POU2F2: variants seen among roughly 807,000 people sequenced by gnomAD.
POU2F2 encodes POU domain, class 2, transcription factor 2.
In POU2F2, 14 loss-of-function variants were observed where a neutral mutation model predicts 63.5. The observed-to-expected ratio is 0.22, with a 90% confidence interval of 0.15 to 0.34. The LOEUF (loss-of-function observed/expected upper bound fraction) is 0.34. Among genes scored for constraint, POU2F2 ranks in the 10% least tolerant of loss-of-function variants. POU2F2 has a pLI of 1.00. For missense variants in POU2F2, 607 were observed against 815.2 expected, an observed-to-expected ratio of 0.74 and a Z score of 3.11; for synonymous variants, 306 against 348.6, an observed-to-expected ratio of 0.88 and a Z score of 1.36.
At chr19:42,113,425 C>T (rs1340460586) in intron 5 of POU2F2, among the ~76,000 whole-genome samples, 2 of 152,190 alleles carry the variant, frequency 1.3e-5, no homozygotes, top group Non-Finnish European at 2.9e-5. Flanking sequence ...TTATAATTGC[C>T]CCTTCGTCTG....
In POU2F2 at chr19:42,169,414, G is replaced by A. The variant is rs1359694790; in HGVS notation, c.-70+6549C>T. On this transcript the variant is annotated intron_variant, in intron 1 of 6. Transcript: ENST00000524801. This position sits in a 1 kb window ranked among gnomAD's most constrained non-coding sequence, Gnocchi z 4.3. Reference sequence around the variant, plus strand: ...CCTATGTGCCTGCACAGACATCTGGGTTTTCATACCTGTGTCTGAGTATGT... The same window carrying A: ...CCTATGTGCCTGCACAGACATCTGGATTTTCATACCTGTGTCTGAGTATGT... Among the ~76,000 whole-genome samples the A allele has an allele frequency of 6.6e-6, 1 of 152,202 alleles. No homozygotes were observed. Among genetic ancestry groups the A allele is most frequent in the East Asian group, 1.9e-4 (1 of 5,202 alleles).
At chr19:42,160,108 C>T (rs1205331478) in intron 2 of POU2F2, among the ~76,000 whole-genome samples, 1 of 152,136 alleles carries the variant, frequency 6.6e-6, no homozygotes, top group Admixed American at 6.5e-5. Flanking sequence ...TCAGCAGAAA[C>T]ACCCACAGTC....
chr19:42,094,743 C>T (rs2076854588), intron 11 of POU2F2, among the ~76,000 whole-genome samples: 1 of 152,194 alleles, frequency 6.6e-6, no homozygotes, highest in South Asian at 2.1e-4. Context: ...CTCCCTTGTC[C>T]TTTAGAACTC....
At chr19:42,150,334 C>T (rs1000900721) in intron 2 of POU2F2, among the ~76,000 whole-genome samples, 8 of 145,286 alleles carry the variant, frequency 5.5e-5, no homozygotes, top group East Asian at 2.1e-4. Flanking sequence ...GCGGGCACTG[C>T]GGCTGACATG....
chr19:42,151,269 G>C (rs1190713425), intron 2 of POU2F2, among the ~76,000 whole-genome samples: 1 of 150,958 alleles, frequency 6.6e-6, no homozygotes, highest in Non-Finnish European at 1.5e-5. Flanking sequence ...GGTACTCAGG[G>C]AAGCGGGGAG....
chr19:42,186,250 G>A (rs1353401393), intron 1 of POU2F2, among the ~76,000 whole-genome samples: 3 of 152,022 alleles, frequency 2.0e-5, no homozygotes, highest in Non-Finnish European at 4.4e-5. Flanking sequence ...GTGTGAACCC[G>A]GGAGGCAGAG....
chr19:42,131,346 G>A (rs918249891), intron 1 of POU2F2, among the ~76,000 whole-genome samples: 4 of 152,038 alleles, frequency 2.6e-5, no homozygotes, highest in Admixed American at 6.5e-5. Flanking sequence ...ATACATGTTG[G>A]TGGAGGACAC....
upstream of POU2F2, among the ~76,000 whole-genome samples, chr19:42,176,240 C>G (rs2034876443): frequency 6.6e-6 from 1 of 152,160 alleles, no homozygotes; most frequent in Admixed American, 6.5e-5. Flanking sequence ...GCAGATGCCA[C>G]CTCGCCTCTC....
At chr19:42,133,927 G>A (rs2033923995), upstream of POU2F2, among the ~76,000 whole-genome samples, 1 of 152,112 alleles carries the variant, frequency 6.6e-6, no homozygotes, top group African/African-American at 2.4e-5. This position sits in a 1 kb window ranked among gnomAD's most constrained non-coding sequence, Gnocchi z 5.1. Context: ...AGGCAAGCAG[G>A]TGGGCACAAC....
upstream of POU2F2, among the ~76,000 whole-genome samples, chr19:42,180,351 T>C (rs2034946931): frequency 6.6e-6 from 1 of 152,120 alleles, no homozygotes; most frequent in African/African-American, 2.4e-5. Flanking sequence ...CAAAGGCACA[T>C]GGGGTCCCAA....
intron 5 of POU2F2, among the ~76,000 whole-genome samples, chr19:42,101,668 AC>A (rs1267358771): frequency 6.6e-6 from 1 of 152,146 alleles, no homozygotes; most frequent in Admixed American, 6.5e-5. Flanking sequence ...GCCCTAGCAA[AC>A]TAATATAGGC....
intron 1 of POU2F2, among the ~76,000 whole-genome samples, chr19:42,129,544 G>A (rs1233621312): frequency 6.6e-6 from 1 of 152,144 alleles, no homozygotes; most frequent in Non-Finnish European, 1.5e-5. Flanking sequence ...TACCGAAAAC[G>A]GGGCTAAATA....
intron 2 of POU2F2, among the ~76,000 whole-genome samples, chr19:42,146,032 CAAAAAA>C (rs1004458482): frequency 1.0e-4 from 5 of 49,770 alleles, no homozygotes; most frequent in African/African-American, 2.8e-4. Context: ...GACTCCGTCT[CAAAAAA>C]AAAAAAAAAA....
upstream of POU2F2, among the ~76,000 whole-genome samples, chr19:42,179,759 T>C (rs1482230151): frequency 2.0e-5 from 3 of 152,002 alleles, no homozygotes; most frequent in African/African-American, 7.3e-5. Context: ...TAAATAAATA[T>C]AGGAAACACC....
chr19:42,097,523 A>T (rs1441741685), intron 7 of POU2F2, among the ~76,000 whole-genome samples: 3 of 151,066 alleles, frequency 2.0e-5, no homozygotes, highest in Admixed American at 6.6e-5. Flanking sequence ...TATAAATTTA[A>T]GGACAGCCGA....
At chr19:42,161,871 A>G (rs1758256682) in intron 1 of POU2F2, among the ~76,000 whole-genome samples, 1 of 152,308 alleles carries the variant, frequency 6.6e-6, no homozygotes, top group South Asian at 2.1e-4. Context: ...AGCGGCTGTC[A>G]TCTCCACAGT....
intron 1 of POU2F2, among the ~76,000 whole-genome samples, chr19:42,130,774 C>G (rs550562820): frequency 1.3e-5 from 2 of 151,638 alleles, no homozygotes; most frequent in East Asian, 3.9e-4. Flanking sequence ...TCAGACACCC[C>G]CTTCCTCCAG....
Position 42,091,746 on chromosome 19 carries a change from T to A in POU2F2, c.1540+121A>T, listed in dbSNP as rs2076723115. 3 of 1,549,892 alleles carry A rather than the reference T, an allele frequency of 1.9e-6. No individual in the cohort carries two copies. In the East Asian group the frequency reaches 7.3e-5, roughly 38 times the overall value. On this transcript the variant is annotated intron_variant, in intron 14 of 14. Transcript: ENST00000692977. ...ACCTTCCCCAAAGGTGAGATGGGTA[T>A]GAAGAGGCAAGCAATGCAGTGAGCA...
At chr19:42,131,370 C>T (rs957299075) in intron 1 of POU2F2, among the ~76,000 whole-genome samples, 1 of 152,100 alleles carries the variant, frequency 6.6e-6, no homozygotes, top group Non-Finnish European at 1.5e-5. Flanking sequence ...GGTGCCCGCA[C>T]ACAATGGCGC....
Sources: gnomAD v4.1 joint callset for allele counts (sites outside exome capture counted in the v4.1 genomes callset) on GRCh38, gnomAD v4.1.1 for gene constraint, Gnocchi (gnomAD v3.1) non-coding constraint, MANE v1.5 for transcripts, NCBI Gene and HGNC (gene_info 2026-07-23, HGNC 2026-07-21) for gene names.